The following CORO2B variants were observed in gnomAD, a reference collection of about 807,000 sequenced individuals.
CORO2B encodes coronin 2B.
A neutral mutation model predicts 58.8 loss-of-function variants in CORO2B; 26 were observed. That is an observed-to-expected ratio of 0.44 (90% CI 0.32 to 0.61). CORO2B has a LOEUF of 0.61. Among genes scored for constraint, CORO2B ranks in the 20% least tolerant of loss-of-function variants. The probability of loss-of-function intolerance (pLI) is 0.04; values close to 1 mark genes in which losing one functional copy is unlikely to be tolerated. For synonymous variants in CORO2B, 242 were observed against 253.8 expected, an observed-to-expected ratio of 0.95 and a Z score of 0.44; for missense variants, 460 against 645.1, an observed-to-expected ratio of 0.71 and a Z score of 3.11.
chr15:68,570,599 T>C, the CORO2B span, among the ~76,000 whole-genome samples: 1 of 152,214 alleles, frequency 6.6e-6, no homozygotes, highest in Non-Finnish European at 1.5e-5. Context: ...AATACGAAAG[T>C]TGAAGTGCTT....
At chr15:68,679,892 T>A (rs926906984) in intron 2 of CORO2B, among the ~76,000 whole-genome samples, 14 of 152,150 alleles carry the variant, frequency 9.2e-5, no homozygotes, top group African/African-American at 3.4e-4. Flanking sequence ...AGGTGGTGCA[T>A]CTCCTTCTCT....
rs79436256 is a variant in CORO2B, at chr15:68,668,015, G to A, written c.216+22655G>A. Among the ~76,000 whole-genome samples the A allele has an allele frequency of 9.1e-3, 1,383 of 152,324 alleles. 18 individuals carry two copies. Among genetic ancestry groups the A allele is most frequent in the African/African-American group, 0.032 (1,325 of 41,556 alleles). On this transcript the variant is annotated intron_variant, in intron 2 of 11. Transcript: ENST00000261861. Reference sequence around the variant, plus strand: ...GTAATCACCCACACCTGTTGAACACGTACAACGGGCCAGGGACTGTTCTAA... The same window carrying A: ...GTAATCACCCACACCTGTTGAACACATACAACGGGCCAGGGACTGTTCTAA...
At chr15:68,557,180 T>C in the CORO2B span, among the ~76,000 whole-genome samples, 3 of 152,198 alleles carry the variant, frequency 2.0e-5, no homozygotes, top group South Asian at 6.2e-4. Context: ...CTGCCTGCAC[T>C]TTCCCCCAAC....
chr15:68,691,100 C>A (rs1179398756), intron 2 of CORO2B, among the ~76,000 whole-genome samples: 1 of 151,262 alleles, frequency 6.6e-6, no homozygotes, highest in Non-Finnish European at 1.5e-5. Flanking sequence ...GAGGCCAAGG[C>A]GGGTGGATCA....
chr15:68,711,372 G>A (rs1223769420), intron 4 of CORO2B, among the ~76,000 whole-genome samples, 170 bp from the exon 5 acceptor site: 2 of 152,200 alleles, frequency 1.3e-5, no homozygotes, highest in African/African-American at 4.8e-5. Context: ...TTGTGTGCCA[G>A]GGATGTATCA....
intron 2 of CORO2B, among the ~76,000 whole-genome samples, chr15:68,689,752 C>A (rs1265959045): frequency 6.6e-6 from 1 of 152,204 alleles, no homozygotes; most frequent in African/African-American, 2.4e-5. Context: ...AATTTACAAT[C>A]AGCTTCCTTT....
At chr15:68,576,875 G>A (rs71402213), upstream of CORO2B, among the ~76,000 whole-genome samples, 13 of 152,206 alleles carry the variant, frequency 8.5e-5, no homozygotes, top group Non-Finnish European at 1.3e-4. Context: ...GGGGTACACA[G>A]TGAGAGAAGG....
intron 1 of CORO2B, chr15:68,632,331 AG>A: frequency 1.3e-5 from 13 of 985,114 alleles, no homozygotes; most frequent in Non-Finnish European, 1.6e-5. Context: ...GTCATCCAGG[AG>A]CCCCACCTGG....
intron 1 of CORO2B, among the ~76,000 whole-genome samples, chr15:68,605,731 T>G (rs868481687): frequency 0.02 from 2,780 of 137,572 alleles, 151 homozygotes; most frequent in African/African-American, 0.07. Context: ...TTTTTTTTTT[T>G]TTTTTTTTTG....
At chr15:68,535,221 A>C in the CORO2B span, among the ~76,000 whole-genome samples, 1 of 152,186 alleles carries the variant, frequency 6.6e-6, no homozygotes, top group Non-Finnish European at 1.5e-5. Context: ...TTGATCCCAA[A>C]GGTAGAGGCC....
At chr15:68,597,259 G>A (rs947725666) in intron 1 of CORO2B, among the ~76,000 whole-genome samples, 1 of 152,152 alleles carries the variant, frequency 6.6e-6, no homozygotes, top group Non-Finnish European at 1.5e-5. Flanking sequence ...GTGACAGGGA[G>A]GGGAGATGCT....
At chr15:68,615,670 G>A (rs1283193333) in intron 1 of CORO2B, among the ~76,000 whole-genome samples, 1 of 152,118 alleles carries the variant, frequency 6.6e-6, no homozygotes. Context: ...ACTTATAAAA[G>A]AGACCCCTGA....
At chr15:68,678,069 G>A (rs1429882468) in intron 2 of CORO2B, among the ~76,000 whole-genome samples, 1 of 152,110 alleles carries the variant, frequency 6.6e-6, no homozygotes, top group Non-Finnish European at 1.5e-5. Flanking sequence ...CCCCTGCAAG[G>A]TCTGTTGCTT....
intron 1 of CORO2B, among the ~76,000 whole-genome samples, chr15:68,605,037 C>G (rs935619318): frequency 1.3e-5 from 2 of 151,924 alleles, no homozygotes; most frequent in Non-Finnish European, 2.9e-5. Context: ...TCGCTTGAAC[C>G]TGGGAGGCAG....
chr15:68,702,735 A>G (rs917118608), intron 3 of CORO2B, among the ~76,000 whole-genome samples: 1 of 151,756 alleles, frequency 6.6e-6, no homozygotes, highest in African/African-American at 2.4e-5. Flanking sequence ...TTAGATGGAA[A>G]TCTTGGAGCC....
chr15:68,526,287 G>A, the CORO2B span, among the ~76,000 whole-genome samples: 1 of 151,890 alleles, frequency 6.6e-6, no homozygotes. Context: ...AATGCCTAGG[G>A]GTACAATTGC....
chr15:68,530,793 A>G, the CORO2B span, among the ~76,000 whole-genome samples: 1 of 152,304 alleles, frequency 6.6e-6, no homozygotes, highest in East Asian at 1.9e-4. Context: ...TCTTATGATT[A>G]TTATTTTCAT....
chr15:68,620,293 T>G (rs1033227533), intron 1 of CORO2B, among the ~76,000 whole-genome samples: 1 of 152,176 alleles, frequency 6.6e-6, no homozygotes, highest in African/African-American at 2.4e-5. Context: ...CTTAAATTGC[T>G]TAGAATGATG....
chr15:68,598,408 G>A (rs547853807), intron 1 of CORO2B, among the ~76,000 whole-genome samples: 151 of 152,348 alleles, frequency 9.9e-4, no homozygotes, highest in South Asian at 3.5e-3. Flanking sequence ...TCTATTTTGC[G>A]TGGTCAGTGA....
Sources: allele counts gnomAD v4.1 joint callset (sites outside exome capture counted in the v4.1 genomes callset), GRCh38; gene constraint gnomAD v4.1.1; transcripts MANE v1.5; gene names NCBI Gene and HGNC (gene_info 2026-07-23, HGNC 2026-07-21).